The following CEP72 variants were observed in gnomAD, a reference collection of about 807,000 sequenced individuals.
CEP72 encodes the protein centrosomal protein 72, also known as centrosomal protein of 72 kDa.
In CEP72, 78 loss-of-function variants were observed where a neutral mutation model predicts 65.7. The ratio of observed to expected loss-of-function variants is 1.19; its 90% CI spans 0.99 to 1.43. The LOEUF (loss-of-function observed/expected upper bound fraction) is 1.43. Among genes scored for constraint, CEP72 ranks in the 40% most tolerant of loss-of-function variants. The pLI, the probability that CEP72 is intolerant of heterozygous loss-of-function variation, is 0.00. For synonymous variants in CEP72, 358 were observed against 351.7 expected (o/e 1.02, Z -0.20); for missense variants, 914 against 832.9 (o/e 1.10, Z -1.20).
At chr5:669,002 C>T (rs1200869313), downstream of CEP72, among the ~76,000 whole-genome samples, 2 of 152,238 alleles carry the variant, frequency 1.3e-5, no homozygotes, top group East Asian at 1.9e-4. Context: ...ACACGCGTGT[C>T]CTAAAGACAC....
At chr5:641,433 A>G in intron 9 of CEP72, 1 of 985,412 alleles carries the variant, frequency 1.0e-6, no homozygotes, top group Non-Finnish European at 1.2e-6. Flanking sequence ...GGCTTCGAAA[A>G]CTGCCTCTGA....
chr5:670,766 A>G (rs1038062923), downstream of CEP72, among the ~76,000 whole-genome samples: 7 of 152,170 alleles, frequency 4.6e-5, no homozygotes, highest in Non-Finnish European at 2.9e-5. Flanking sequence ...CAAGATACAG[A>G]GGACCTAGAG....
rs1736600942 is a variant in CEP72, at chr5:624,437, CA to C, written c.404-33del. The C allele has an allele frequency of 6.4e-7, 1 of 1,552,682 alleles. No individual in the cohort carries two copies. The highest frequency in any genetic ancestry group is 1.4e-5 in the African/African-American group (1 of 73,706). On this transcript the variant is annotated intron_variant, in intron 3 of 11. Coordinates refer to ENST00000264935, the MANE Select transcript of CEP72 (RefSeq NM_018140.4). This position sits in a 1 kb window ranked among gnomAD's most constrained non-coding sequence, Gnocchi z 4.7. ...GTGGATGCAGCCGCCCGCCGCTTGC[CA>C]CCTGCACAGTCTTGTGTGGCCTTTT...
At chr5:669,019 C>T (rs1170761552), downstream of CEP72, among the ~76,000 whole-genome samples, 3 of 152,248 alleles carry the variant, frequency 2.0e-5, no homozygotes, top group African/African-American at 7.2e-5. Flanking sequence ...ACACAACAGA[C>T]ACCATCAACA....
At chr5:644,545 G>C in intron 10 of CEP72, 120 bp downstream of exon 10, 1 of 1,177,150 alleles carries the variant, frequency 8.5e-7, no homozygotes, top group Non-Finnish European at 1.2e-6. Flanking sequence ...GTTGGTAAGT[G>C]GGGAGCCGAG....
downstream of CEP72, chr5:659,809 CTATCCCCTGT>C (rs1416719462): frequency 1.3e-5 from 2 of 152,446 alleles, no homozygotes; most frequent in Non-Finnish European, 2.9e-5. Context: ...CCTCCAGTAC[CTATCCCCTGT>C]TATCACCTGT....
intron 9 of CEP72, chr5:641,485 A>G (rs914443793): frequency 2.0e-6 from 2 of 985,460 alleles, no homozygotes; most frequent in South Asian, 9.4e-5. Flanking sequence ...ATGGGAACCA[A>G]CATCTCAGAG....
intron 11 of CEP72, among the ~76,000 whole-genome samples, chr5:652,346 T>A (rs1043960685): frequency 1.7e-4 from 26 of 152,126 alleles, no homozygotes; most frequent in African/African-American, 6.0e-4. Flanking sequence ...AGTGGCCCTG[T>A]CAGTGGGGTG....
intron 4 of CEP72, among the ~76,000 whole-genome samples, chr5:628,230 C>T (rs370169504): frequency 1.5e-4 from 23 of 152,350 alleles, no homozygotes; most frequent in South Asian, 1.0e-3. Flanking sequence ...CCACAGTTCC[C>T]GTCTTTGATC....
chr5:625,534 C>T (rs1053970260), intron 4 of CEP72, among the ~76,000 whole-genome samples: 1 of 152,322 alleles, frequency 6.6e-6, no homozygotes, highest in Non-Finnish European at 1.5e-5. Context: ...CCACGCACAG[C>T]GCAGGCAGGG....
At chr5:669,766 C>T (rs554351983), downstream of CEP72, among the ~76,000 whole-genome samples, 1 of 152,192 alleles carries the variant, frequency 6.6e-6, no homozygotes, top group East Asian at 1.9e-4. Context: ...GGGTCTCTGC[C>T]CCACACGGGC....
downstream of CEP72, among the ~76,000 whole-genome samples, chr5:657,497 C>T (rs1739409660): frequency 6.6e-6 from 1 of 152,188 alleles, no homozygotes. Flanking sequence ...ATAATTATTT[C>T]TTCCATGGAT....
At chr5:668,014 C>G (rs57942070), downstream of CEP72, among the ~76,000 whole-genome samples, 39 of 36,570 alleles carry the variant, frequency 1.1e-3, 1 homozygote, top group South Asian at 3.0e-3. Flanking sequence ...AGGGAAGTAC[C>G]GACAAGCACA....
rs1291055470 is a variant in CEP72 at position 648,515 on chromosome 5, T to C, written c.1778+599T>C. Reference sequence around the variant, plus strand: ...TGAGGTGTGACTGTGAGGTGTGGACTGTGAGGTGTGACTGTGAGGTGTGAC... The same window carrying C: ...TGAGGTGTGACTGTGAGGTGTGGACCGTGAGGTGTGACTGTGAGGTGTGAC... On this transcript the variant is annotated intron_variant, in intron 11 of 11. Coordinates refer to ENST00000264935, the MANE Select transcript of CEP72 (RefSeq NM_018140.4). Among the ~76,000 whole-genome samples, 7 of 81,870 alleles carry C rather than the reference T, an allele frequency of 8.6e-5. No homozygotes were observed. In the East Asian group the frequency reaches 3.6e-3, roughly 43 times the overall value. The allele number at this position is 81,870 out of a possible 152,430, so 53.7% of individuals were successfully genotyped here. A position where few individuals can be genotyped will look rare whatever the true frequency, so the allele number is the denominator to read the frequency against.
At chr5:647,150 T>C (rs973406096) in intron 10 of CEP72, among the ~76,000 whole-genome samples, 2 of 152,246 alleles carry the variant, frequency 1.3e-5, no homozygotes, top group African/African-American at 4.8e-5. Flanking sequence ...CGTGTCACCA[T>C]CACCCTTTGC....
In CEP72 at chr5:665,063, C is replaced by T. The variant is rs564482827; in HGVS notation, n.288-117C>T. Reference sequence around the variant, plus strand: ...AGTGCGAGGTGACAGAGTCCCTGCTCTGGGGACACCGGCAGTGCCGCGAGG... The same window carrying T: ...AGTGCGAGGTGACAGAGTCCCTGCTTTGGGGACACCGGCAGTGCCGCGAGG... On this transcript the variant is annotated intron_variant and non_coding_transcript_variant, in intron 2 of 4. Transcript: ENST00000514507. The T allele has an allele frequency of 1.4e-5, 22 of 1,589,566 alleles. No individual in the cohort carries two copies. The African/African-American group carries it at 2.9e-4, about 21-fold the overall frequency.
intron 9 of CEP72, chr5:641,257 C>G: frequency 1.0e-6 from 1 of 985,422 alleles, no homozygotes; most frequent in Non-Finnish European, 1.2e-6. Flanking sequence ...GGCCTCCCCA[C>G]GGGCTGCTGG....
intron 10 of CEP72, among the ~76,000 whole-genome samples, chr5:644,985 T>A (rs1361765265): frequency 6.6e-6 from 1 of 152,118 alleles, no homozygotes; most frequent in East Asian, 1.9e-4. Flanking sequence ...GATACCTGGA[T>A]TTTAAATAAG....
At chr5:673,206 C>T in the CEP72 span, among the ~76,000 whole-genome samples, 1 of 152,194 alleles carries the variant, frequency 6.6e-6, no homozygotes, top group Non-Finnish European at 1.5e-5. Context: ...CCCCGGAAAT[C>T]GAAGGAAAAT....
Sources: gnomAD v4.1 joint callset for allele counts (sites outside exome capture counted in the v4.1 genomes callset) on GRCh38, gnomAD v4.1.1 for gene constraint, Gnocchi (gnomAD v3.1) non-coding constraint, MANE v1.5 for transcripts, NCBI Gene and HGNC (gene_info 2026-07-23, HGNC 2026-07-21) for gene names.